Variants in KALRN observed in about 807,000 individuals in gnomAD.
KALRN encodes kalirin.
KALRN carries 70 observed loss-of-function variants against 353.7 expected under a neutral mutation model. The observed-to-expected ratio is 0.20, with a 90% confidence interval of 0.16 to 0.24. KALRN has a LOEUF of 0.24. Ranked by LOEUF, KALRN falls within the 10% of genes least tolerant of loss-of-function variation. KALRN has a pLI of 1.00. For synonymous variants in KALRN, 1,391 were observed against 1,434.8 expected (o/e 0.97, Z 0.69); for missense variants, 2,791 against 3,756.7 (o/e 0.74, Z 6.72).
intron 1 of KALRN, among the ~76,000 whole-genome samples, chr3:124,173,437 A>G (rs916342725): frequency 6.6e-6 from 1 of 152,200 alleles, no homozygotes; most frequent in African/African-American, 2.4e-5. Context: ...GCCTTGCAGA[A>G]GTGATGCTGA....
At chr3:124,661,045 A>T in intron 44 of KALRN, 72 bp downstream of exon 44, 1 of 1,231,568 alleles carries the variant, frequency 8.1e-7, no homozygotes, top group Non-Finnish European at 1.2e-6. Context: ...AGGGGAAAAG[A>T]TTGTCTCAGG....
chr3:124,694,604 T>A, intron 53 of KALRN, 101 bp downstream of exon 53: 1 of 1,144,976 alleles, frequency 8.7e-7, no homozygotes, highest in Non-Finnish European at 1.3e-6. Flanking sequence ...GACTGGGCTC[T>A]GCAAGAGAAT....
rs199923777 is a variant in KALRN, at chr3:124,268,880, C to T, written c.594C>T (p.Ser198=). 69 of 1,613,988 alleles carry T rather than the reference C, an allele frequency of 4.3e-5. No homozygotes were observed. Among genetic ancestry groups the T allele is most frequent in the Middle Eastern group, 1.6e-4 (1 of 6,084 alleles). ...TCTCCCTGGAGGAGTTCTTCAACAG[C>T]GCCGTGCACCTGCTCTCGCGCCTCG... ...LRLSLEEFFN[S]AVHLLSRLED... is the part of the protein sequence containing the mutation. Residue 198 remains serine, a synonymous_variant, in exon 5 of 60, where the codon AGC becomes AGT. Transcript: ENST00000682506.
At chr3:124,155,310 TAG>T (rs1174129283) in intron 1 of KALRN, among the ~76,000 whole-genome samples, 2 of 152,186 alleles carry the variant, frequency 1.3e-5, no homozygotes, top group Non-Finnish European at 1.5e-5. Context: ...TTGTCATCAG[TAG>T]ACTTGAAGAC....
At chr3:124,490,583 G>A (rs1302252592) in intron 29 of KALRN, 111 bp from the exon 30 acceptor site, 25 of 942,926 alleles carry the variant, frequency 2.7e-5, no homozygotes, top group Non-Finnish European at 3.9e-5. Flanking sequence ...AAACCCTTCA[G>A]TAACTGAAGA....
chr3:124,447,029 G>A (rs2150683396), intron 21 of KALRN, 144 bp downstream of exon 21: 1 of 951,514 alleles, frequency 1.1e-6, no homozygotes, highest in Non-Finnish European at 1.6e-6. Flanking sequence ...ATGTCCTAAA[G>A]GATTGTCTCT....
chr3:124,324,032 C>G (rs2079619381), intron 6 of KALRN, among the ~76,000 whole-genome samples: 1 of 152,206 alleles, frequency 6.6e-6, no homozygotes, highest in Admixed American at 6.5e-5. Flanking sequence ...AACCAAAGAT[C>G]AATGGGACTT....
At chr3:124,395,780 G>A (rs1452813321) in intron 12 of KALRN, among the ~76,000 whole-genome samples, 1 of 152,186 alleles carries the variant, frequency 6.6e-6, no homozygotes, top group Non-Finnish European at 1.5e-5. Flanking sequence ...GCTGATGTTT[G>A]ACTTTGGACC....
At chr3:124,434,954 G>A (rs2093411133) in intron 17 of KALRN, among the ~76,000 whole-genome samples, 1 of 152,246 alleles carries the variant, frequency 6.6e-6, no homozygotes, top group African/African-American at 2.4e-5. Flanking sequence ...GCTTCGAGCT[G>A]CAGACTGGGT....
chr3:124,084,200 C>T (rs944661796), intron 1 of KALRN, among the ~76,000 whole-genome samples: 10 of 152,174 alleles, frequency 6.6e-5, no homozygotes, highest in South Asian at 2.1e-4. Context: ...AACTTGGCCC[C>T]GAGGGAGTAG....
intron 23 of KALRN, among the ~76,000 whole-genome samples, chr3:124,457,381 A>G (rs144744967): frequency 1.6e-3 from 246 of 151,862 alleles, no homozygotes; most frequent in African/African-American, 5.7e-3. Flanking sequence ...CTCCCTTCTG[A>G]TTTTCTAATT....
chr3:124,216,472 T>C (rs1417312621), intron 1 of KALRN, among the ~76,000 whole-genome samples: 1 of 152,230 alleles, frequency 6.6e-6, no homozygotes, highest in African/African-American at 2.4e-5. Context: ...TGGACACATA[T>C]GGACAGATAT....
At chr3:124,536,481 C>T (rs866704743) in intron 33 of KALRN, among the ~76,000 whole-genome samples, 8 of 152,172 alleles carry the variant, frequency 5.3e-5, no homozygotes, top group Non-Finnish European at 1.2e-4. Flanking sequence ...GGATTATAGG[C>T]GTGAGCCACC....
At chr3:124,548,190 G>C (rs1029233023) in intron 33 of KALRN, among the ~76,000 whole-genome samples, 1 of 152,118 alleles carries the variant, frequency 6.6e-6, no homozygotes, top group Non-Finnish European at 1.5e-5. Flanking sequence ...ACAGGGGAAG[G>C]GGTACAGGAA....
At chr3:124,246,229 C>A (rs2081104562) in intron 3 of KALRN, among the ~76,000 whole-genome samples, 1 of 152,248 alleles carries the variant, frequency 6.6e-6, no homozygotes, top group Admixed American at 6.5e-5. Context: ...TGCCCAGGCA[C>A]CATTGTGCAA....
At chr3:124,343,611 A>G (rs942304637) in intron 9 of KALRN, among the ~76,000 whole-genome samples, 2 of 152,060 alleles carry the variant, frequency 1.3e-5, no homozygotes, top group African/African-American at 4.8e-5. Flanking sequence ...TCCATTTCCT[A>G]CTTATCCCCT....
At chr3:124,369,314 T>C (rs9880730) in intron 10 of KALRN, among the ~76,000 whole-genome samples, 2,253 of 152,338 alleles carry the variant, frequency 0.015, 52 homozygotes, top group African/African-American at 0.051. Flanking sequence ...TTTTCAAATT[T>C]TGGAGAAAGT....
chr3:124,434,621 A>G (rs747001375), intron 17 of KALRN, 96 bp downstream of exon 17: 21 of 1,079,214 alleles, frequency 1.9e-5, no homozygotes, highest in Middle Eastern at 2.7e-4. Context: ...GTCAGCGAGA[A>G]GCCTGTCCTT....
intron 15 of KALRN, among the ~76,000 whole-genome samples, chr3:124,426,655 A>C (rs1298320356): frequency 6.6e-6 from 1 of 152,220 alleles, no homozygotes; most frequent in Non-Finnish European, 1.5e-5. Flanking sequence ...AGATAGCCCA[A>C]ACACCCCTAG....
Sources: allele counts gnomAD v4.1 joint callset (sites outside exome capture counted in the v4.1 genomes callset), GRCh38; gene constraint gnomAD v4.1.1; transcripts MANE v1.5; gene names NCBI Gene and HGNC (gene_info 2026-07-23, HGNC 2026-07-21).